LRRTM4: variants seen among roughly 807,000 people sequenced by gnomAD.
LRRTM4 encodes the protein leucine rich repeat transmembrane neuronal 4.
In LRRTM4, 25 loss-of-function variants were observed where a neutral mutation model predicts 47.6. That is an observed-to-expected ratio of 0.53 (90% CI 0.38 to 0.73). The LOEUF (loss-of-function observed/expected upper bound fraction) is 0.73, where lower values mean the gene tolerates loss of function less well. Among genes scored for constraint, LRRTM4 ranks in the 30% least tolerant of loss-of-function variants. LRRTM4 has a pLI of 0.00. For synonymous variants in LRRTM4, 311 were observed against 269.5 expected (o/e 1.15, Z -1.51); for missense variants, 638 against 713.4 (o/e 0.89, Z 1.20).
chr2:77,021,374 A>C (rs1311703583), intron 3 of LRRTM4, among the ~76,000 whole-genome samples: 3 of 152,176 alleles, frequency 2.0e-5, no homozygotes, highest in Non-Finnish European at 4.4e-5. Context: ...ATTAAGTGTT[A>C]CATTAATGGG....
At chr2:77,116,976 C>A (rs1475746964) in intron 3 of LRRTM4, among the ~76,000 whole-genome samples, 1 of 151,820 alleles carries the variant, frequency 6.6e-6, no homozygotes. Context: ...TGCACACATC[C>A]CTGCCCCAGG....
intron 3 of LRRTM4, among the ~76,000 whole-genome samples, chr2:77,373,744 G>T (rs896652242): frequency 1.3e-5 from 2 of 151,718 alleles, no homozygotes; most frequent in African/African-American, 4.8e-5. Context: ...ATAAAACTCA[G>T]AAAATAGCCA....
intron 3 of LRRTM4, among the ~76,000 whole-genome samples, chr2:77,398,166 T>G (rs1173341037): frequency 1.3e-5 from 2 of 151,920 alleles, no homozygotes; most frequent in Non-Finnish European, 2.9e-5. Context: ...CAAATCATGT[T>G]CTTCTAATTG....
chr2:76,926,214 C>T (rs1163249972), intron 3 of LRRTM4, among the ~76,000 whole-genome samples: 4 of 152,038 alleles, frequency 2.6e-5, no homozygotes, highest in African/African-American at 9.7e-5. Context: ...TCTAGGAGTA[C>T]TTTTATAAAT....
At chr2:77,411,521 C>G (rs1233337035) in intron 3 of LRRTM4, among the ~76,000 whole-genome samples, 1 of 139,786 alleles carries the variant, frequency 7.2e-6, no homozygotes, top group South Asian at 2.3e-4. Flanking sequence ...GGCGTGATCT[C>G]GGCTCACTGC....
chr2:77,355,795 A>C (rs1363828569), intron 3 of LRRTM4, among the ~76,000 whole-genome samples: 3 of 152,204 alleles, frequency 2.0e-5, no homozygotes, highest in African/African-American at 7.2e-5. Context: ...TTATATTGGA[A>C]ATAAATTATA....
chr2:76,765,279 C>T (rs1159049738), intron 3 of LRRTM4, among the ~76,000 whole-genome samples: 1 of 152,152 alleles, frequency 6.6e-6, no homozygotes, highest in African/African-American at 2.4e-5. Context: ...TCAGGATGAA[C>T]TATACACTTC....
chr2:77,179,661 A>G (rs1306322399), intron 3 of LRRTM4, among the ~76,000 whole-genome samples: 1 of 152,160 alleles, frequency 6.6e-6, no homozygotes, highest in Non-Finnish European at 1.5e-5. Context: ...AAACTGTCCT[A>G]ATAAGGTTGA....
intron 3 of LRRTM4, among the ~76,000 whole-genome samples, chr2:77,120,511 A>T (rs572078103): frequency 6.6e-6 from 1 of 151,838 alleles, no homozygotes; most frequent in Non-Finnish European, 1.5e-5. Context: ...AAAGGGAAAT[A>T]TTATAATAGT....
rs1211050653 is a variant in LRRTM4, at chr2:76,778,079, T to C, written c.1552-29163A>G. Among the ~76,000 whole-genome samples the C allele has an allele frequency of 2.7e-5, 4 of 148,372 alleles. No homozygotes were observed. The East Asian group carries it at 8.0e-4, about 30-fold the overall frequency. On this transcript the variant is annotated intron_variant, in intron 3 of 3. Transcript: ENST00000409884. ...GATTACATTTATTGATTTGCGTCTA[T>C]TGAACCAGCCTTGCATCCCAGGGAT... is the stretch of plus-strand genomic sequence containing the variant.
At chr2:77,509,884 C>T (rs1473845414) in intron 3 of LRRTM4, among the ~76,000 whole-genome samples, 1 of 152,114 alleles carries the variant, frequency 6.6e-6, no homozygotes, top group African/African-American at 2.4e-5. Flanking sequence ...TTTTTCACCC[C>T]TTGATCTAAC....
intron 3 of LRRTM4, among the ~76,000 whole-genome samples, chr2:76,936,111 T>C (rs866016742): frequency 6.6e-6 from 1 of 152,164 alleles, no homozygotes; most frequent in Non-Finnish European, 1.5e-5. Context: ...GGATTATAAA[T>C]CATTCTCCTA....
chr2:77,218,741 C>T (rs1043733406), intron 3 of LRRTM4, among the ~76,000 whole-genome samples: 3 of 152,090 alleles, frequency 2.0e-5, no homozygotes, highest in Non-Finnish European at 2.9e-5. Flanking sequence ...TCCAGCTTCA[C>T]CTGAGCAACA....
chr2:77,035,841 C>T (rs1446693), intron 3 of LRRTM4, among the ~76,000 whole-genome samples: 77,242 of 151,466 alleles, frequency 0.51, 20,684 homozygotes, highest in East Asian at 0.67. Flanking sequence ...AAATACGTAC[C>T]ACAATGGCAT....
intron 3 of LRRTM4, among the ~76,000 whole-genome samples, chr2:76,866,941 C>A (rs1672485976): frequency 6.6e-6 from 1 of 152,124 alleles, no homozygotes; most frequent in Admixed American, 6.6e-5. Context: ...AAGCTGGAAA[C>A]TATCATCCTC....
At position 77,519,164 on chromosome 2, in the gene LRRTM4, G is replaced by A; in HGVS notation, c.705C>T (p.Tyr235=). ...FPRLFNLRSI[Y]LQWNRIRSIS... ...TGGAGCGAATCCTGTTCCATTGTAA[G>A]TAAATTGAGCGGAGGTTGAAGAGAC... Residue 235 remains tyrosine, a synonymous_variant, in exon 3 of 4, where the codon TAC becomes TAT. Coordinates refer to ENST00000409884, the MANE Select transcript of LRRTM4 (RefSeq NM_001134745.3). This position sits in a 1 kb window ranked among gnomAD's most constrained non-coding sequence, Gnocchi z 4.6. 6.2e-7 allele frequency: 1 copy of A among 1,613,262 alleles called. No individual in the cohort carries two copies. Among genetic ancestry groups the A allele is most frequent in the African/African-American group, 1.3e-5 (1 of 74,988 alleles).
At chr2:77,223,101 A>T (rs1192798807) in intron 3 of LRRTM4, among the ~76,000 whole-genome samples, 3 of 152,182 alleles carry the variant, frequency 2.0e-5, no homozygotes, top group Admixed American at 2.0e-4. Context: ...AACCAAAGAA[A>T]AAAAACCACA....
rs1553416368 is a variant in LRRTM4, at chr2:76,830,541, T to TGTGTGTGG, written c.1552-81626_1552-81625insCCACACAC. The stretch of plus-strand genomic sequence containing the variant: ...GTGTGTGTGTGTGTGTGTGTGTGTG[T>TGTGTGTGG]GTGTGTTTCTGCACTAGTGACCCAG... On this transcript the variant is annotated intron_variant, in intron 3 of 3. Transcript: ENST00000409884. Among the ~76,000 whole-genome samples the TGTGTGTGG allele has an allele frequency of 1.5e-4, 23 of 151,472 alleles. No individual in the cohort carries two copies. In the East Asian group the frequency reaches 1.6e-3, roughly 10 times the overall value.
At chr2:77,111,201 C>G (rs1671238050) in intron 3 of LRRTM4, among the ~76,000 whole-genome samples, 1 of 151,882 alleles carries the variant, frequency 6.6e-6, no homozygotes, top group African/African-American at 2.4e-5. Context: ...CCTCTGCCTC[C>G]CGGGTTCAAG....
Sources: gnomAD v4.1 joint callset for allele counts (sites outside exome capture counted in the v4.1 genomes callset) on GRCh38, gnomAD v4.1.1 for gene constraint, Gnocchi (gnomAD v3.1) non-coding constraint, MANE v1.5 for transcripts, NCBI Gene and HGNC (gene_info 2026-07-23, HGNC 2026-07-21) for gene names.